The following CDH23 variants were observed in gnomAD, a reference collection of about 807,000 sequenced individuals.
CDH23 encodes cadherin related 23.
CDH23 carries 189 observed loss-of-function variants against 317.1 expected under a neutral mutation model. That is an observed-to-expected ratio of 0.60 (90% CI 0.53 to 0.67). The LOEUF (loss-of-function observed/expected upper bound fraction) is 0.67, where lower values mean the gene tolerates loss of function less well. CDH23 is among the 30% of genes least tolerant of loss of function. The pLI is 0.00. For synonymous variants in CDH23, 1,839 were observed against 1,876.8 expected (o/e 0.98, Z 0.52); for missense variants, 4,401 against 4,592.4 (o/e 0.96, Z 1.20).
intron 6 of CDH23, among the ~76,000 whole-genome samples, chr10:71,527,634 G>T (rs1432800992): frequency 6.6e-6 from 1 of 152,182 alleles, no homozygotes; most frequent in African/African-American, 2.4e-5. Context: ...TGGTTTAGAG[G>T]TGTTCCATCT....
At chr10:71,608,005 A>G (rs1589257550) in intron 9 of CDH23, among the ~76,000 whole-genome samples, 1 of 152,366 alleles carries the variant, frequency 6.6e-6, no homozygotes, top group Admixed American at 6.5e-5. Flanking sequence ...TGCCTTACGT[A>G]CATGATCACT....
intron 6 of CDH23, among the ~76,000 whole-genome samples, chr10:71,539,788 A>G (rs1248346482): frequency 6.7e-6 from 1 of 148,272 alleles, no homozygotes; most frequent in Non-Finnish European, 1.5e-5. Context: ...TCTCCCATTT[A>G]CCCCTTTCTC....
Position 71,535,373 on chromosome 10 carries a change from G to A in CDH23, c.429+24161G>A, listed in dbSNP as rs531316179. ...TGGCCCCTCCTGCCTTTCCCAGCCC[G>A]TTCCGGTGGTGAGGAGTCTTCGGAA... On this transcript the variant is annotated intron_variant, in intron 6 of 69. Transcript: ENST00000224721. 2.2e-4 allele frequency among the ~76,000 whole-genome samples: 34 copies of A among 152,264 alleles called. 1 individual carries two copies. The South Asian group carries it at 6.4e-3, about 29-fold the overall frequency.
At chr10:71,496,665 A>AG (rs1852989049) in intron 3 of CDH23, among the ~76,000 whole-genome samples, 2 of 152,190 alleles carry the variant, frequency 1.3e-5, no homozygotes, top group Admixed American at 6.5e-5. Flanking sequence ...TTCCTCCATC[A>AG]CAGTTTCTCA....
intron 1 of CDH23, among the ~76,000 whole-genome samples, chr10:71,428,512 C>A (rs1275708616): frequency 2.0e-5 from 3 of 151,178 alleles, no homozygotes; most frequent in Non-Finnish European, 4.4e-5. Flanking sequence ...TATCTCATTG[C>A]GGTTTTGATT....
intron 9 of CDH23, among the ~76,000 whole-genome samples, chr10:71,580,845 C>T (rs1242895570): frequency 6.6e-6 from 1 of 151,990 alleles, no homozygotes; most frequent in Non-Finnish European, 1.5e-5. Flanking sequence ...CAGGGCTGCC[C>T]CCACCCCCCA....
chr10:71,563,825 T>C (rs942406814), intron 6 of CDH23, among the ~76,000 whole-genome samples: 3 of 151,984 alleles, frequency 2.0e-5, no homozygotes, highest in Admixed American at 2.0e-4. Flanking sequence ...CTTGGCTCAC[T>C]GCTACCTCCG....
At chr10:71,436,485 C>T (rs933750680) in intron 1 of CDH23, among the ~76,000 whole-genome samples, 11 of 152,156 alleles carry the variant, frequency 7.2e-5, no homozygotes, top group East Asian at 5.8e-4. Context: ...AGTCAGGAAA[C>T]GGGAACAGCA....
intron 18 of CDH23, among the ~76,000 whole-genome samples, chr10:71,686,709 C>T (rs556664368): frequency 8.5e-4 from 130 of 152,194 alleles, no homozygotes; most frequent in South Asian, 1.7e-3. Flanking sequence ...CCAACGGTGC[C>T]GGGACTCAGC....
chr10:71,601,456 A>G (rs1327752769), intron 9 of CDH23, among the ~76,000 whole-genome samples: 1 of 152,244 alleles, frequency 6.6e-6, no homozygotes, highest in African/African-American at 2.4e-5. Context: ...ACGCAAGCCC[A>G]GAGAGGGTAG....
intron 1 of CDH23, among the ~76,000 whole-genome samples, chr10:71,415,886 T>G (rs1848512990): frequency 6.6e-6 from 1 of 152,234 alleles, no homozygotes; most frequent in Admixed American, 6.5e-5. Flanking sequence ...CTTTGACATG[T>G]TTTGAGAGTT....
chr10:71,695,439 A>G lies in CDH23; in HGVS notation c.2311A>G (p.Ile771Val), dbSNP rs375474793. 1.2e-6 allele frequency: 2 copies of G among 1,612,852 alleles called. No individual in the cohort carries two copies. Among genetic ancestry groups the G allele is most frequent in the Non-Finnish European group, 1.7e-6 (2 of 1,178,948 alleles). ...ACAGGTAAACATCACCCTCCTGGAC[A>G]TCAATGACAACCACCCCACGTGGAA... ...IATVNITLLD[I>V]NDNHPTWKDA... The change falls in exon 22 of 70, where the codon ATC becomes GTC. Residue 771 changes from isoleucine to valine, a missense_variant. Ile to Val is a conservative substitution (Grantham distance 29). This residue lies in a region of CDH23 where 3,068 missense variants were observed against 3,203.3 expected (regional missense o/e 0.96). Transcript: ENST00000224721.
At chr10:71,554,673 A>G (rs1277460965) in intron 6 of CDH23, among the ~76,000 whole-genome samples, 2 of 152,036 alleles carry the variant, frequency 1.3e-5, no homozygotes, top group East Asian at 3.8e-4. Context: ...ATCACATCGT[A>G]TCATTCCCTG....
At chr10:71,508,947 G>C (rs1300621947) in intron 3 of CDH23, among the ~76,000 whole-genome samples, 2 of 152,180 alleles carry the variant, frequency 1.3e-5, no homozygotes, top group Non-Finnish European at 2.9e-5. Context: ...TCAGTCCTGG[G>C]CAAAGCAGGG....
chr10:71,563,907 C>T (rs966950424), intron 6 of CDH23, among the ~76,000 whole-genome samples: 3 of 152,094 alleles, frequency 2.0e-5, no homozygotes, highest in Non-Finnish European at 4.4e-5. Context: ...CACCACCACG[C>T]CCAGCTAATT....
chr10:71,435,022 C>T (rs1246767498), intron 1 of CDH23, among the ~76,000 whole-genome samples: 1 of 152,176 alleles, frequency 6.6e-6, no homozygotes, highest in East Asian at 1.9e-4. Context: ...CAGGGTCTTG[C>T]CCAGAGACTT....
At chr10:71,700,729 G>C (rs1384669484) in intron 22 of CDH23, among the ~76,000 whole-genome samples, 1 of 152,174 alleles carries the variant, frequency 6.6e-6, no homozygotes, top group Non-Finnish European at 1.5e-5. Context: ...CTCTCTGAAG[G>C]AGAAGCCTGC....
intron 1 of CDH23, among the ~76,000 whole-genome samples, chr10:71,427,156 A>G (rs1328094346): frequency 4.9e-5 from 3 of 61,144 alleles, no homozygotes; most frequent in African/African-American, 2.8e-4. Flanking sequence ...CCCTGTCTCA[A>G]AAAAAAAAAA....
chr10:71,805,689 C>A (rs1841691722), intron 55 of CDH23, 117 bp from the exon 56 acceptor site: 1 of 1,035,272 alleles, frequency 9.7e-7, no homozygotes, highest in East Asian at 2.6e-5. Flanking sequence ...CTGGCGGGTG[C>A]TGTAAGCTGT....
Sources: gnomAD v4.1 joint callset for allele counts (sites outside exome capture counted in the v4.1 genomes callset) on GRCh38, gnomAD v4.1.1 for gene constraint, gnomAD v4.1.1 regional missense constraint, MANE v1.5 for transcripts, NCBI Gene and HGNC (gene_info 2026-07-23, HGNC 2026-07-21) for gene names.